The following MPG variants were observed in gnomAD, a reference collection of about 807,000 sequenced individuals.
MPG encodes the protein DNA-3-methyladenine glycosylase.
MPG carries 33 observed loss-of-function variants against 31.7 expected under a neutral mutation model. The observed-to-expected ratio is 1.04, with a 90% confidence interval of 0.79 to 1.39. The LOEUF (loss-of-function observed/expected upper bound fraction) is 1.39. MPG is among the 40% of genes most tolerant of loss of function. The probability of loss-of-function intolerance (pLI) is 0.00; values close to 1 mark genes in which losing one functional copy is unlikely to be tolerated. For missense variants in MPG, 455 were observed against 415.5 expected, an observed-to-expected ratio of 1.10 and a Z score of -0.83; for synonymous variants, 202 against 169.2, an observed-to-expected ratio of 1.19 and a Z score of -1.51.
At chr16:84,178 C>T (rs1017671514) in intron 3 of MPG, 1 of 152,204 alleles carries the variant, frequency 6.6e-6, no homozygotes, top group Non-Finnish European at 1.5e-5. Context: ...TCCTGCTCCT[C>T]CCTACTGAGG....
In MPG at chr16:83,373, T is replaced by C. The variant is rs1898308752; in HGVS notation, c.505+117T>C. 2.8e-6 allele frequency: 3 copies of C among 1,057,980 alleles called. No homozygotes were observed. The South Asian group carries it at 4.3e-5, about 15-fold the overall frequency. 65.5% of individuals were successfully genotyped at this position (1,057,980 alleles called of 1,614,324 possible). A position where few individuals can be genotyped will look rare whatever the true frequency, so the allele number is the denominator to read the frequency against. On this transcript the variant is annotated intron_variant, in intron 3 of 3. Transcript: ENST00000356432. The stretch of plus-strand genomic sequence containing the variant: ...AGCATTTGAGCGAGGAGGTGCCACT[T>C]CCAGGCCAGGCCAGGGTTTCGGGAG...
intron 2 of MPG, among the ~76,000 whole-genome samples, chr16:81,628 C>T (rs1243098693): frequency 1.4e-5 from 2 of 147,026 alleles, no homozygotes; most frequent in African/African-American, 5.4e-5. Flanking sequence ...ATGCTCCCCA[C>T]ACTGACCCCT....
rs1176971260 is a variant in MPG, at chr16:78,303, C to A, written c.-7C>A. On this transcript the variant is annotated 5_prime_UTR_variant, in exon 1 of 4. Coordinates refer to ENST00000356432, the MANE Select transcript of MPG (RefSeq NM_001015052.3). ...GAGTCCCACGAAGCCCCGGCCCGAG[C>A]CGCCGGATGCCCGCGCGCAGCGGGG... 2 of 1,333,566 alleles carry A rather than the reference C, an allele frequency of 1.5e-6. No homozygotes were observed. Among genetic ancestry groups the A allele is most frequent in the South Asian group, 1.8e-5 (1 of 55,938 alleles). The allele number at this position is 1,333,566 out of a possible 1,614,324, so 82.6% of individuals were successfully genotyped here. A position where few individuals can be genotyped will look rare whatever the true frequency, so the allele number is the denominator to read the frequency against.
chr16:85,713 A>G lies in MPG; in HGVS notation c.818A>G (p.Tyr273Cys), dbSNP rs1052869819. The G allele has an allele frequency of 4.5e-5, 69 of 1,536,572 alleles. No homozygotes were observed. Among genetic ancestry groups the G allele is most frequent in the Non-Finnish European group, 5.8e-5 (66 of 1,138,680 alleles). ...TGGGCCCGGAAACCCCTCCGCTTCT[A>G]TGTCCGGGGCAGCCCCTGGGTCAGT... ...GEWARKPLRF[Y>C]VRGSPWVSVV... Residue 273 changes from tyrosine to cysteine, a missense_variant, in exon 4 of 4, where the codon TAT becomes TGT. By Grantham distance (194) the Tyr-to-Cys change is radical. Coordinates refer to ENST00000356432, the MANE Select transcript of MPG (RefSeq NM_001015052.3).
upstream of MPG, chr16:78,007 G>C (rs867348142): frequency 4.9e-4 from 127 of 261,118 alleles, no homozygotes; most frequent in Middle Eastern, 6.8e-3. Context: ...CCGGGGCACA[G>C]TGCGGGGCTC....
chr16:79,260 T>G, intron 1 of MPG, 165 bp from the exon 2 acceptor site: 1 of 1,554,894 alleles, frequency 6.4e-7, no homozygotes, highest in Non-Finnish European at 8.7e-7. Flanking sequence ...CTCGAGTGTG[T>G]CAGGGTGTTT....
chr16:78,186 C>A, upstream of MPG: 1 of 922,706 alleles, frequency 1.1e-6, no homozygotes, highest in Non-Finnish European at 1.4e-6. Flanking sequence ...CCCCTTCTCC[C>A]GGCTTCCGTC....
upstream of MPG, among the ~76,000 whole-genome samples, chr16:77,906 C>T (rs3176370): frequency 0.21 from 31,529 of 151,946 alleles, 8,620 homozygotes; most frequent in African/African-American, 0.63. Flanking sequence ...CCCGTCCTCT[C>T]GGTGGTCTGA....
intron 2 of MPG, among the ~76,000 whole-genome samples, chr16:80,804 G>A (rs941551452): frequency 6.6e-6 from 1 of 151,600 alleles, no homozygotes; most frequent in Non-Finnish European, 1.5e-5. Context: ...GCGAGACTCC[G>A]TCTCAAAAAT....
chr16:82,117 GGAAGCCC>G, intron 2 of MPG, among the ~76,000 whole-genome samples: 1 of 81,492 alleles, frequency 1.2e-5, no homozygotes. Flanking sequence ...CCTACCTCCG[GGAAGCCC>G]TCCTGAATGC....
intron 2 of MPG, 55 bp from the exon 3 acceptor site, chr16:82,997 A>G: frequency 6.8e-7 from 1 of 1,473,024 alleles, no homozygotes; most frequent in Non-Finnish European, 9.2e-7. Flanking sequence ...GGGCACTGTT[A>G]GGGTGAGTGG....
chr16:85,313 C>T, intron 3 of MPG, 88 bp from the exon 4 acceptor site: 2 of 1,442,700 alleles, frequency 1.4e-6, no homozygotes, highest in Non-Finnish European at 1.9e-6. Context: ...GCTGCACCCT[C>T]CCTGCAGCAC....
At chr16:83,797 A>G (rs1229645246) in intron 3 of MPG, among the ~76,000 whole-genome samples, 1 of 151,516 alleles carries the variant, frequency 6.6e-6, no homozygotes, top group Admixed American at 6.6e-5. Flanking sequence ...AGGCAGAAAG[A>G]AGGCCGAGGA....
chr16:79,261 C>T (rs375197451), intron 1 of MPG, 164 bp from the exon 2 acceptor site: 2 of 1,555,356 alleles, frequency 1.3e-6, no homozygotes, highest in Non-Finnish European at 1.7e-6. Context: ...TCGAGTGTGT[C>T]AGGGTGTTTG....
chr16:78,426 G>T, intron 1 of MPG, 93 bp downstream of exon 1: 2 of 1,053,254 alleles, frequency 1.9e-6, no homozygotes, highest in South Asian at 9.3e-5. Flanking sequence ...TGCCGGGGAC[G>T]GGCGTAGCGC....
At chr16:79,755 C>T (rs1898192377) in intron 2 of MPG, 55 bp downstream of exon 2, 2 of 1,504,952 alleles carry the variant, frequency 1.3e-6, no homozygotes, top group African/African-American at 1.4e-5. Context: ...CTGCAGTTGT[C>T]CCTGAACCCC....
chr16:81,796 C>T (rs1345472647), intron 2 of MPG, among the ~76,000 whole-genome samples: 1 of 58,476 alleles, frequency 1.7e-5, no homozygotes, highest in Non-Finnish European at 3.4e-5. Flanking sequence ...TGAATGCTCC[C>T]GGCGCTGACC....
At chr16:84,357 C>T (rs1042036565) in intron 3 of MPG, 1 of 152,264 alleles carries the variant, frequency 6.6e-6, no homozygotes, top group African/African-American at 2.4e-5. Flanking sequence ...CATTTGCTGG[C>T]TTTGTCCACT....
At chr16:79,166 G>A (rs889157365) in intron 1 of MPG, 78 of 1,530,688 alleles carry the variant, frequency 5.1e-5, no homozygotes, top group Non-Finnish European at 6.7e-5. Flanking sequence ...CCCATGCCGT[G>A]CAGCTCGCAC....
Sources: allele counts gnomAD v4.1 joint callset (sites outside exome capture counted in the v4.1 genomes callset), GRCh38; gene constraint gnomAD v4.1.1; transcripts MANE v1.5; gene names NCBI Gene and HGNC (gene_info 2026-07-23, HGNC 2026-07-21).